The following PFKFB4 variants were observed in gnomAD, a reference collection of about 807,000 sequenced individuals.
PFKFB4 encodes 6-phosphofructo-2-kinase/fructose-2,6-biphosphatase 4.
A neutral mutation model predicts 62.8 loss-of-function variants in PFKFB4; 42 were observed. That is an observed-to-expected ratio of 0.67 (90% CI 0.52 to 0.86). The LOEUF (loss-of-function observed/expected upper bound fraction) is 0.86, where lower values mean the gene tolerates loss of function less well. PFKFB4 is among the 40% of genes least tolerant of loss of function. PFKFB4 has a pLI of 0.00. For missense variants in PFKFB4, 475 were observed against 627.2 expected, an observed-to-expected ratio of 0.76 and a Z score of 2.59; for synonymous variants, 204 against 240.7, an observed-to-expected ratio of 0.85 and a Z score of 1.41.
At chr3:48,549,032 C>T (rs764841450) in intron 3 of PFKFB4, among the ~76,000 whole-genome samples, 9 of 152,142 alleles carry the variant, frequency 5.9e-5, no homozygotes, top group African/African-American at 1.2e-4. Context: ...GCTCACTGCC[C>T]TATCCTGATG....
chr3:48,524,482 G>A (rs1396704075), intron 10 of PFKFB4, among the ~76,000 whole-genome samples: 2 of 152,174 alleles, frequency 1.3e-5, no homozygotes, highest in Non-Finnish European at 2.9e-5. Context: ...AAAATGACAC[G>A]CTGATTTGTG....
rs752607431 is a variant in PFKFB4 at position 48,525,667 on chromosome 3, G to A, written c.990C>T (p.Gly330=). The part of the protein sequence containing the change: ...QWKVLNEIDA[G]VCEEMTYEEI... The stretch of plus-strand genomic sequence containing the variant: ...CCTCGTAGGTCATTTCCTCACAGAC[G>A]CCCTAGGGAGATACCACAGTCATCA... The change falls in exon 10 of 14, where the codon GGC becomes GGT. Residue 330 remains glycine (G), a splice_region_variant and synonymous_variant. Transcript: ENST00000232375. 4.4e-6 allele frequency: 7 copies of A among 1,583,078 alleles called. No homozygotes were observed. Among genetic ancestry groups the A allele is most frequent in the Admixed American group, 1.7e-5 (1 of 58,464 alleles).
rs1441094357 is a variant in PFKFB4 at position 48,518,022 on chromosome 3, G to C, written c.*1725C>G. 6.6e-6 allele frequency: 1 copy of C among 152,306 alleles called. No individual in the cohort carries two copies. The highest frequency in any genetic ancestry group is 2.4e-5 in the African/African-American group (1 of 41,464). 9.4% of individuals were successfully genotyped at this position (152,306 alleles called of 1,614,324 possible). Reference sequence around the variant, plus strand: ...GTGGTCTCACCTCAGATGACATCCAGAGGTACATGCACTGTTGCTGACCAA... The same window carrying C: ...GTGGTCTCACCTCAGATGACATCCACAGGTACATGCACTGTTGCTGACCAA... On this transcript the variant is annotated 3_prime_UTR_variant, in exon 14 of 14. Transcript: ENST00000232375.
At chr3:48,542,414 A>C (rs534525294) in intron 4 of PFKFB4, among the ~76,000 whole-genome samples, 130 of 152,260 alleles carry the variant, frequency 8.5e-4, no homozygotes, top group African/African-American at 3.0e-3. Flanking sequence ...GCATGTAGCC[A>C]CCAGAAGTTC....
At position 48,525,666 on chromosome 3, in the gene PFKFB4, CG is replaced by C. The variant is rs1560152593; in HGVS notation, c.990del (p.Val331SerfsTer5). ...QWKVLNEIDA[G>X]VCEEMTYEEI... ...TCCTCGTAGGTCATTTCCTCACAGACGCCCTAGGGAGATACCACAGTCATCA... is the reference window on the plus strand; with the variant it reads ...TCCTCGTAGGTCATTTCCTCACAGACCCCTAGGGAGATACCACAGTCATCA... On this transcript the variant is annotated frameshift_variant and splice_region_variant, in exon 10 of 14. Transcript: ENST00000232375. LOFTEE classifies it high-confidence loss of function. 6.3e-7 allele frequency: 1 copy of C among 1,590,734 alleles called. No individual in the cohort carries two copies. Among genetic ancestry groups the C allele is most frequent in the Non-Finnish European group, 8.6e-7 (1 of 1,164,034 alleles).
chr3:48,558,548 G>A (rs2043385126), upstream of PFKFB4, among the ~76,000 whole-genome samples: 1 of 152,178 alleles, frequency 6.6e-6, no homozygotes, highest in African/African-American at 2.4e-5. Context: ...GCTCTTTAAA[G>A]CTTGGCAAGG....
chr3:48,559,884 G>A, upstream of PFKFB4: 1 of 292,478 alleles, frequency 3.4e-6, no homozygotes, highest in Non-Finnish European at 6.7e-6. Context: ...TGACAGAACT[G>A]CCAAACCATC....
rs1236196951 is a variant in PFKFB4 at position 48,518,237 on chromosome 3, T to A, written c.*1510A>T. On this transcript the variant is annotated 3_prime_UTR_variant, in exon 14 of 14. Coordinates refer to ENST00000232375, the MANE Select transcript of PFKFB4 (RefSeq NM_004567.4). ...TTGCCCCGGCTCCGCCTTGGACATC[T>A]CTTAGCAGAGCAGCACACAAGGATG... is the stretch of plus-strand genomic sequence containing the variant. 6.6e-6 allele frequency: 1 copy of A among 152,388 alleles called. No individual in the cohort carries two copies. Among genetic ancestry groups the A allele is most frequent in the Non-Finnish European group, 1.5e-5 (1 of 68,174 alleles). 9.4% of individuals were successfully genotyped at this position (152,388 alleles called of 1,614,324 possible).
intron 10 of PFKFB4, among the ~76,000 whole-genome samples, 181 bp downstream of exon 10, chr3:48,525,384 G>A (rs1198761846): frequency 6.6e-6 from 1 of 152,140 alleles, no homozygotes; most frequent in East Asian, 1.9e-4. Context: ...AGGGACTAAG[G>A]CCTGGGCTGC....
At chr3:48,536,527 G>T in intron 7 of PFKFB4, 64 bp from the exon 8 acceptor site, 1 of 1,294,800 alleles carries the variant, frequency 7.7e-7, no homozygotes. Flanking sequence ...GAGCACATCT[G>T]GCTAGCCACG....
upstream of PFKFB4, among the ~76,000 whole-genome samples, chr3:48,560,100 C>G (rs1391566960): frequency 6.6e-6 from 1 of 152,134 alleles, no homozygotes; most frequent in Non-Finnish European, 1.5e-5. Flanking sequence ...CACAAACCAC[C>G]CTTTGCAGCA....
intron 12 of PFKFB4, 145 bp from the exon 13 acceptor site, chr3:48,522,195 C>T (rs1041489652): frequency 1.4e-6 from 1 of 724,950 alleles, no homozygotes; most frequent in Non-Finnish European, 2.4e-6. Flanking sequence ...CTTTAGGCAG[C>T]TCTGGGGAGC....
At chr3:48,542,084 C>T (rs970738622) in intron 4 of PFKFB4, among the ~76,000 whole-genome samples, 9 of 152,184 alleles carry the variant, frequency 5.9e-5, no homozygotes, top group Non-Finnish European at 1.0e-4. Context: ...TGGTGGCTCA[C>T]GCCTGTAATC....
chr3:48,556,951 G>GC (rs2043344424), upstream of PFKFB4: 1 of 1,396,510 alleles, frequency 7.2e-7, no homozygotes. This position sits in a 1 kb window ranked among gnomAD's most constrained non-coding sequence, Gnocchi z 5.7. Context: ...GCTGAAAGGG[G>GC]CCCGGCCTCC....
chr3:48,537,307 G>A (rs546716134), intron 7 of PFKFB4, among the ~76,000 whole-genome samples: 12 of 152,160 alleles, frequency 7.9e-5, no homozygotes, highest in South Asian at 2.1e-4. Context: ...AACAGAAGCC[G>A]CTCCAGACAA....
chr3:48,536,738 G>A (rs971173595), intron 7 of PFKFB4: 14 of 451,764 alleles, frequency 3.1e-5, no homozygotes, highest in South Asian at 2.0e-4. Flanking sequence ...TGGGGGGTCC[G>A]CCATACCACA....
intron 3 of PFKFB4, among the ~76,000 whole-genome samples, chr3:48,545,187 AGT>A (rs1239487066): frequency 6.6e-6 from 1 of 152,108 alleles, no homozygotes; most frequent in Non-Finnish European, 1.5e-5. Flanking sequence ...GCTGGAGTGC[AGT>A]GGCATGATCT....
intron 7 of PFKFB4, among the ~76,000 whole-genome samples, chr3:48,537,734 A>C (rs1334712141): frequency 6.6e-6 from 1 of 151,788 alleles, no homozygotes; most frequent in African/African-American, 2.4e-5. Flanking sequence ...CATGTTGCCC[A>C]GGCTGGTCTC....
At chr3:48,541,971 TA>T (rs1184748050) in intron 4 of PFKFB4, among the ~76,000 whole-genome samples, 1 of 148,312 alleles carries the variant, frequency 6.7e-6, no homozygotes, top group Non-Finnish European at 1.5e-5. Flanking sequence ...CTCAAGGAAA[TA>T]AAAAACAACA....
Sources: allele counts gnomAD v4.1 joint callset (sites outside exome capture counted in the v4.1 genomes callset), GRCh38; gene constraint gnomAD v4.1.1; non-coding constraint Gnocchi (gnomAD v3.1); transcripts MANE v1.5; gene names NCBI Gene and HGNC (gene_info 2026-07-23, HGNC 2026-07-21).